The following DAPK1 variants were observed in gnomAD, a reference collection of about 807,000 sequenced individuals.
The protein encoded by DAPK1 is death associated protein kinase 1, also known as death-associated protein kinase 1.
In DAPK1, 56 loss-of-function variants were observed where a neutral mutation model predicts 144.9. The ratio of observed to expected loss-of-function variants is 0.39; its 90% CI spans 0.31 to 0.48. The LOEUF is 0.48. Ranked by LOEUF, DAPK1 falls within the 20% of genes least tolerant of loss-of-function variation. The probability of loss-of-function intolerance (pLI) is 0.95; values close to 1 mark genes in which losing one functional copy is unlikely to be tolerated. For missense variants in DAPK1, 1,454 were observed against 1,875.4 expected (o/e 0.78, Z 4.15); for synonymous variants, 690 against 749.0 (o/e 0.92, Z 1.29).
intron 3 of DAPK1, among the ~76,000 whole-genome samples, chr9:87,611,319 A>G (rs990831740): frequency 1.3e-5 from 2 of 151,902 alleles, no homozygotes; most frequent in Admixed American, 1.3e-4. Context: ...ATTTTTATTT[A>G]ATTTTATTTT....
chr9:87,630,605 C>A (rs1829643499), intron 3 of DAPK1, among the ~76,000 whole-genome samples: 1 of 152,144 alleles, frequency 6.6e-6, no homozygotes, highest in South Asian at 2.1e-4. Context: ...TGGCACACAT[C>A]ATTTTGGTCC....
intron 2 of DAPK1, among the ~76,000 whole-genome samples, chr9:87,549,329 C>A (rs538828890): frequency 6.6e-6 from 1 of 152,240 alleles, no homozygotes; most frequent in Admixed American, 6.5e-5. Flanking sequence ...TTTTCTTTAT[C>A]CAATCTATCA....
At position 87,686,809 on chromosome 9, in the gene DAPK1, G is replaced by T; in HGVS notation, c.2413+70G>T. ...AACAGGGTTGTAAGTCATCCCTAAA[G>T]GGAGCTTGTCCTGAGCTGTATCTGT... is the stretch of plus-strand genomic sequence containing the variant. On this transcript the variant is annotated intron_variant, in intron 21 of 25. Transcript: ENST00000408954. This position sits in a 1 kb window ranked among gnomAD's most constrained non-coding sequence, Gnocchi z 4.2. The T allele has an allele frequency of 7.1e-7, 1 of 1,411,398 alleles. No homozygotes were observed. The highest frequency in any genetic ancestry group is 1.3e-5 in the South Asian group (1 of 78,384). 87.4% of individuals were successfully genotyped at this position (1,411,398 alleles called of 1,614,324 possible).
intron 3 of DAPK1, chr9:87,632,634 A>C: frequency 1.0e-6 from 1 of 983,158 alleles, no homozygotes; most frequent in Non-Finnish European, 1.2e-6. Flanking sequence ...GTATATATGT[A>C]GGGATGAAGG....
intron 2 of DAPK1, among the ~76,000 whole-genome samples, chr9:87,539,754 C>T (rs1825977624): frequency 2.6e-5 from 4 of 152,100 alleles, no homozygotes; most frequent in Admixed American, 2.0e-4. Flanking sequence ...AATGAAATCT[C>T]CTGTTGTCTC....
At chr9:87,632,222 T>C (rs1270170507) in intron 3 of DAPK1, 4 of 974,024 alleles carry the variant, frequency 4.1e-6, no homozygotes, top group Non-Finnish European at 4.9e-6. Context: ...TATGTAGGGA[T>C]AAAGGAGGAT....
intron 19 of DAPK1, among the ~76,000 whole-genome samples, chr9:87,676,932 G>T (rs1824407273): frequency 6.6e-6 from 1 of 152,210 alleles, no homozygotes; most frequent in Non-Finnish European, 1.5e-5. Flanking sequence ...GGAAGACCTG[G>T]TAGTGAGTTC....
At chr9:87,654,825 C>T (rs1830578026) in intron 17 of DAPK1, among the ~76,000 whole-genome samples, 1 of 152,178 alleles carries the variant, frequency 6.6e-6, no homozygotes, top group African/African-American at 2.4e-5. Flanking sequence ...AGCTGAGCAT[C>T]TCATGGTGCT....
intron 2 of DAPK1, among the ~76,000 whole-genome samples, chr9:87,594,150 A>G (rs552090351): frequency 6.6e-6 from 1 of 152,330 alleles, no homozygotes; most frequent in East Asian, 1.9e-4. Context: ...ATTTGGAGAA[A>G]ACATATGGAG....
intron 2 of DAPK1, among the ~76,000 whole-genome samples, chr9:87,584,784 C>G (rs1004258281): frequency 6.6e-6 from 1 of 152,154 alleles, no homozygotes; most frequent in Non-Finnish European, 1.5e-5. Flanking sequence ...TCAACTGATT[C>G]TCCTGCCTCA....
intron 3 of DAPK1, among the ~76,000 whole-genome samples, chr9:87,629,693 A>C (rs1829603771): frequency 6.6e-6 from 1 of 152,136 alleles, no homozygotes. Context: ...TTCAAAGTAT[A>C]CATTTAGGAT....
intron 2 of DAPK1, among the ~76,000 whole-genome samples, chr9:87,548,784 G>A (rs972556879): frequency 6.6e-6 from 1 of 152,056 alleles, no homozygotes; most frequent in Non-Finnish European, 1.5e-5. Flanking sequence ...GTTCTCAGCC[G>A]AGTCTTCCTG....
intron 2 of DAPK1, among the ~76,000 whole-genome samples, chr9:87,555,377 A>G (rs923664479): frequency 6.6e-6 from 1 of 152,184 alleles, no homozygotes; most frequent in African/African-American, 2.4e-5. Flanking sequence ...TCACAGACAC[A>G]AGGACTAGAT....
intron 2 of DAPK1, among the ~76,000 whole-genome samples, chr9:87,584,692 T>G (rs1001291809): frequency 9.2e-5 from 10 of 108,992 alleles, no homozygotes; most frequent in Admixed American, 6.2e-4. Context: ...GTGTGTGTGT[T>G]TGAGATGGAG....
Position 87,640,400 on chromosome 9 carries a change from C to T in DAPK1, c.732C>T (p.Thr244=). The part of the protein sequence containing the change: ...YEFEDEYFSN[T]SALAKDFIRR... ...TTGAGGATGAATACTTCAGTAATAC[C>T]AGTGCCCTAGCCAAAGATTTCATAA... The change falls in exon 8 of 26, where the codon ACC becomes ACT. Residue 244 remains threonine (T), a synonymous_variant. Coordinates refer to ENST00000408954, the MANE Select transcript of DAPK1 (RefSeq NM_004938.4). 1 of 1,614,180 alleles carries T rather than the reference C, an allele frequency of 6.2e-7. No homozygotes were observed. Among genetic ancestry groups the T allele is most frequent in the Non-Finnish European group, 8.5e-7 (1 of 1,179,990 alleles).
chr9:87,608,577 C>T (rs559903715), intron 3 of DAPK1, among the ~76,000 whole-genome samples: 8 of 152,220 alleles, frequency 5.3e-5, no homozygotes, highest in East Asian at 1.9e-4. Flanking sequence ...GTGAGCATAC[C>T]GTTTTACAGT....
At chr9:87,527,296 G>A (rs1018397824) in intron 2 of DAPK1, among the ~76,000 whole-genome samples, 3 of 152,328 alleles carry the variant, frequency 2.0e-5, no homozygotes, top group South Asian at 4.1e-4. Context: ...TCTGCGCTAG[G>A]TTGAGGGGCT....
intron 2 of DAPK1, among the ~76,000 whole-genome samples, chr9:87,571,103 C>T (rs1321477325): frequency 1.3e-5 from 2 of 152,102 alleles, no homozygotes; most frequent in African/African-American, 2.4e-5. Flanking sequence ...CTCATGCCAA[C>T]GCCTGTTTTC....
intron 14 of DAPK1, 124 bp downstream of exon 14, chr9:87,647,527 A>C: frequency 1.3e-6 from 1 of 764,426 alleles, no homozygotes; most frequent in South Asian, 1.6e-5. Flanking sequence ...ATTCACCTGC[A>C]GAACATTTAA....
Sources: allele counts gnomAD v4.1 joint callset (sites outside exome capture counted in the v4.1 genomes callset), GRCh38; gene constraint gnomAD v4.1.1; non-coding constraint Gnocchi (gnomAD v3.1); transcripts MANE v1.5; gene names NCBI Gene and HGNC (gene_info 2026-07-23, HGNC 2026-07-21).